DLD: variants seen among roughly 807,000 people sequenced by gnomAD.
DLD encodes dihydrolipoamide dehydrogenase.
A neutral mutation model predicts 62.2 loss-of-function variants in DLD; 36 were observed. The ratio of observed to expected loss-of-function variants is 0.58; its 90% CI spans 0.44 to 0.76. DLD has a LOEUF of 0.76. DLD is among the 30% of genes least tolerant of loss of function. The pLI, the probability that DLD is intolerant of heterozygous loss-of-function variation, is 0.00. For missense variants in DLD, 541 were observed against 608.6 expected (o/e 0.89, Z 1.17); for synonymous variants, 204 against 199.6 (o/e 1.02, Z -0.19).
intron 4 of DLD, among the ~76,000 whole-genome samples, chr7:107,902,751 G>A (rs553143137): frequency 7.2e-5 from 11 of 152,184 alleles, no homozygotes; most frequent in African/African-American, 2.4e-4. Context: ...AAACATGACT[G>A]CCTTTTTCAC....
chr7:107,892,591 G>T (rs182580421), intron 1 of DLD, among the ~76,000 whole-genome samples: 15 of 151,856 alleles, frequency 9.9e-5, no homozygotes, highest in Admixed American at 9.8e-4. Flanking sequence ...TGACATCCAG[G>T]CTAGAGTGCA....
chr7:107,891,120 C>T (rs1045341662), upstream of DLD: 6 of 1,186,954 alleles, frequency 5.1e-6, no homozygotes, highest in Non-Finnish European at 4.9e-6. Flanking sequence ...ACCGCGCGGG[C>T]CAATCGCGCT....
At chr7:107,905,629 C>A in intron 7 of DLD, 125 bp downstream of exon 7, 2 of 1,086,840 alleles carry the variant, frequency 1.8e-6, no homozygotes, top group Non-Finnish European at 2.8e-6. Context: ...GATGGTCATT[C>A]AGCTTTGGGA....
At chr7:107,896,453 T>G (rs1445973472) in intron 2 of DLD, among the ~76,000 whole-genome samples, 1 of 152,172 alleles carries the variant, frequency 6.6e-6, no homozygotes, top group Non-Finnish European at 1.5e-5. Flanking sequence ...CCCAGAGAGA[T>G]TGAGTAATTT....
At chr7:107,891,124 T>C, upstream of DLD, 1 of 1,254,132 alleles carries the variant, frequency 8.0e-7, no homozygotes, top group Non-Finnish European at 1.1e-6. Context: ...CGCGGGCCAA[T>C]CGCGCTGCTC....
chr7:107,910,358 GT>G (rs1017451037), intron 8 of DLD, among the ~76,000 whole-genome samples: 2 of 152,050 alleles, frequency 1.3e-5, no homozygotes, highest in Admixed American at 6.5e-5. Context: ...TTTGCTTTAG[GT>G]TTTTTATAAG....
intron 8 of DLD, among the ~76,000 whole-genome samples, chr7:107,913,729 T>A (rs1311294748): frequency 2.0e-5 from 3 of 152,152 alleles, no homozygotes; most frequent in Non-Finnish European, 4.4e-5. Flanking sequence ...TGTTTCTTTC[T>A]CCTCTACAAT....
intron 8 of DLD, among the ~76,000 whole-genome samples, chr7:107,913,906 G>T (rs1031919144): frequency 6.6e-6 from 1 of 151,994 alleles, no homozygotes; most frequent in Non-Finnish European, 1.5e-5. Context: ...CCTATATCCA[G>T]TTTTTTGAGG....
At position 107,919,245 on chromosome 7, in the gene DLD, T is replaced by C; in HGVS notation, c.1516T>C (p.Ser506Pro). ...AAATCTTGCTGCGTCATTTGGCAAA[T>C]CAATCAACTTTTGAATTAGAAGATT... ...EANLAASFGK[S>P]INF The change falls in exon 14 of 14, where the codon TCA becomes CCA. Residue 506 changes from serine (S) to proline (P), a missense_variant. Transcript: ENST00000205402. 1 of 1,611,672 alleles carries C rather than the reference T, an allele frequency of 6.2e-7. No homozygotes were observed. Among genetic ancestry groups the C allele is most frequent in the South Asian group, 1.1e-5 (1 of 90,866 alleles).
intron 8 of DLD, among the ~76,000 whole-genome samples, chr7:107,908,392 G>A (rs535831860): frequency 3.3e-5 from 5 of 151,920 alleles, no homozygotes; most frequent in South Asian, 2.1e-4. Flanking sequence ...CTTGTGATGC[G>A]CATGATGGTT....
At chr7:107,903,820 TTA>T (rs1261654357) in intron 5 of DLD, 6 of 313,110 alleles carry the variant, frequency 1.9e-5, no homozygotes, top group African/African-American at 1.3e-4. Flanking sequence ...AGGTTTGCCT[TTA>T]TGTGTTTTTG....
intron 2 of DLD, among the ~76,000 whole-genome samples, chr7:107,894,714 A>T (rs750037471): frequency 6.6e-6 from 1 of 152,212 alleles, no homozygotes; most frequent in Non-Finnish European, 1.5e-5. Context: ...CTGAGCCAGA[A>T]CTTAGATTTT....
rs1453268556 is a variant in DLD, at chr7:107,917,957, G to A, written c.1270G>A (p.Ala424Thr). Residue 424 changes from alanine to threonine, a missense_variant, in exon 12 of 14, where the codon GCT becomes ACT. Coordinates refer to ENST00000205402, the MANE Select transcript of DLD (RefSeq NM_000108.5). Reference protein sequence around the residue: ...IEYKVGKFPFAANSRAKTNAD... With the variant: ...IEYKVGKFPFTANSRAKTNAD... ...GTACAAAGTTGGGAAATTCCCATTT[G>A]CTGCTAACAGCAGAGCTAAGACAAA... The A allele has an allele frequency of 6.2e-7, 1 of 1,614,054 alleles. No individual in the cohort carries two copies. Among genetic ancestry groups the A allele is most frequent in the Non-Finnish European group, 8.5e-7 (1 of 1,179,952 alleles).
intron 8 of DLD, among the ~76,000 whole-genome samples, chr7:107,914,815 CTAAT>C (rs1309231470): frequency 6.6e-6 from 1 of 152,042 alleles, no homozygotes; most frequent in African/African-American, 2.4e-5. Context: ...AGAAGTTATA[CTAAT>C]TGTCAAAATG....
chr7:107,908,349 C>T (rs1379377332), intron 8 of DLD, among the ~76,000 whole-genome samples: 2 of 151,748 alleles, frequency 1.3e-5, no homozygotes, highest in Non-Finnish European at 2.9e-5. Flanking sequence ...CGGGGTTTCA[C>T]CATATTGGTC....
intron 9 of DLD, 33 bp downstream of exon 9, chr7:107,915,729 T>A: frequency 4.4e-6 from 7 of 1,591,992 alleles, no homozygotes; most frequent in Non-Finnish European, 6.0e-6. Flanking sequence ...TGATGTATCA[T>A]CCCTGTCTCT....
intron 2 of DLD, among the ~76,000 whole-genome samples, chr7:107,894,560 A>G (rs2031670074): frequency 6.6e-6 from 1 of 152,224 alleles, no homozygotes; most frequent in African/African-American, 2.4e-5. Context: ...GTCTCTTGTT[A>G]AATAGGAATC....
intron 2 of DLD, among the ~76,000 whole-genome samples, chr7:107,899,542 A>G (rs962569430): frequency 6.6e-6 from 1 of 152,034 alleles, no homozygotes; most frequent in Non-Finnish European, 1.5e-5. Flanking sequence ...GTTACATATC[A>G]GTGATTAAAA....
At chr7:107,914,590 T>C (rs1358690869) in intron 8 of DLD, among the ~76,000 whole-genome samples, 1 of 152,178 alleles carries the variant, frequency 6.6e-6, no homozygotes, top group Non-Finnish European at 1.5e-5. Flanking sequence ...CTATATTGCC[T>C]CTAGTTAACT....
Sources: allele counts gnomAD v4.1 joint callset (sites outside exome capture counted in the v4.1 genomes callset), GRCh38; gene constraint gnomAD v4.1.1; transcripts MANE v1.5; gene names NCBI Gene and HGNC (gene_info 2026-07-23, HGNC 2026-07-21).